The following CNOT4 variants were observed in gnomAD, a reference collection of about 807,000 sequenced individuals.
CNOT4 encodes the protein CCR4-NOT transcription complex subunit 4.
In CNOT4, 8 loss-of-function variants were observed where a neutral mutation model predicts 73.8. That is an observed-to-expected ratio of 0.11 (90% confidence interval 0.06 to 0.20). CNOT4 has a LOEUF of 0.20. CNOT4 is among the 10% of genes least tolerant of loss of function. CNOT4 has a pLI of 1.00. For synonymous variants in CNOT4, 293 were observed against 321.1 expected, an observed-to-expected ratio of 0.91 and a Z score of 0.94; for missense variants, 564 against 883.4, an observed-to-expected ratio of 0.64 and a Z score of 4.58.
Position 135,362,960 on chromosome 7 carries a change from G to GC in CNOT4, c.2066dup (p.Phe690LeufsTer59). 6.2e-7 allele frequency: 1 copy of GC among 1,613,176 alleles called. No individual in the cohort carries two copies. The highest frequency in any genetic ancestry group is 1.3e-5 in the African/African-American group (1 of 74,880). On this transcript the variant is annotated frameshift_variant, in exon 12 of 12. Coordinates refer to ENST00000541284, the MANE Select transcript of CNOT4 (RefSeq NM_001190850.2). LOFTEE classifies it high-confidence loss of function. ...TGGGGGGTCTGAAGGCTGTCTGAAA[G>GC]CCTGGGGGTGGGGAGTGGAAGCTGG...
chr7:135,363,143 A>G lies in CNOT4; in HGVS notation c.1884T>C (p.Asp628=). 6.2e-7 allele frequency: 1 copy of G among 1,613,866 alleles called. No homozygotes were observed. The highest frequency in any genetic ancestry group is 8.5e-7 in the Non-Finnish European group (1 of 1,180,020). ...SSGNSLDSLQ[D]DNPPHWLKSL... Reference sequence around the variant, plus strand: ...ATTTTAGCCAGTGTGGAGGATTGTCATCTTGAAGAGAGTCTAAACTGTTTC... The same window carrying G: ...ATTTTAGCCAGTGTGGAGGATTGTCGTCTTGAAGAGAGTCTAAACTGTTTC... Residue 628 remains aspartate (D), a synonymous_variant, in exon 12 of 12, where the codon GAT becomes GAC. Coordinates refer to ENST00000541284, the MANE Select transcript of CNOT4 (RefSeq NM_001190850.2). This position sits in a 1 kb window ranked among gnomAD's most constrained non-coding sequence, Gnocchi z 4.3.
chr7:135,439,023 G>A (rs1799320937), intron 1 of CNOT4, among the ~76,000 whole-genome samples: 2 of 152,050 alleles, frequency 1.3e-5, no homozygotes, highest in South Asian at 4.2e-4. Context: ...TATTCCTATG[G>A]TAATACTACA....
intron 10 of CNOT4, among the ~76,000 whole-genome samples, chr7:135,371,030 T>C (rs1045892004): frequency 6.6e-6 from 1 of 152,248 alleles, no homozygotes; most frequent in Non-Finnish European, 1.5e-5. Context: ...CTCTAAGATA[T>C]ATTCTACCCA....
rs1344564063 is a variant in CNOT4, at chr7:135,362,777, G to A, written c.*108C>T. 9.6e-7 allele frequency: 1 copy of A among 1,044,078 alleles called. No individual in the cohort carries two copies. Among genetic ancestry groups the A allele is most frequent in the African/African-American group, 1.6e-5 (1 of 64,158 alleles). 64.7% of individuals were successfully genotyped at this position (1,044,078 alleles called of 1,614,324 possible). ...GGAGAAAAAAAATTGATCAGGTACT[G>A]GATTCTTCAGAACATAAGAGATGAG... On this transcript the variant is annotated 3_prime_UTR_variant, in exon 12 of 12. Coordinates refer to ENST00000541284, the MANE Select transcript of CNOT4 (RefSeq NM_001190850.2).
At chr7:135,375,962 G>A (rs931498361) in intron 10 of CNOT4, among the ~76,000 whole-genome samples, 1 of 151,800 alleles carries the variant, frequency 6.6e-6, no homozygotes, top group African/African-American at 2.4e-5. Context: ...GTGTGTGTAT[G>A]TGTGTACAGG....
At chr7:135,481,737 C>A (rs1213888981) in intron 1 of CNOT4, among the ~76,000 whole-genome samples, 1 of 152,144 alleles carries the variant, frequency 6.6e-6, no homozygotes, top group Non-Finnish European at 1.5e-5. Flanking sequence ...AGTATATATA[C>A]ACAATGGATT....
intron 1 of CNOT4, among the ~76,000 whole-genome samples, chr7:135,460,318 G>T (rs180972284): frequency 5.9e-5 from 9 of 152,216 alleles, no homozygotes; most frequent in Admixed American, 5.9e-4. Flanking sequence ...CTACTTTTTG[G>T]CCTATCTCAT....
chr7:135,368,700 C>T (rs759017836), intron 10 of CNOT4, among the ~76,000 whole-genome samples: 10 of 152,198 alleles, frequency 6.6e-5, no homozygotes, highest in Non-Finnish European at 1.5e-4. Flanking sequence ...GAAAATCTCA[C>T]AACAGGTTGA....
Position 135,487,161 on chromosome 7 carries a change from A to G in CNOT4, c.-93+22728T>C, listed in dbSNP as rs79578623. ...ATGTTTTCTCAATTACAACCATTTAAAAAAAAGTTTTAGCTTGTTGGCCCA... is the reference window on the plus strand; with the variant it reads ...ATGTTTTCTCAATTACAACCATTTAGAAAAAAGTTTTAGCTTGTTGGCCCA... On this transcript the variant is annotated intron_variant, in intron 1 of 11. Coordinates refer to ENST00000541284, the MANE Select transcript of CNOT4 (RefSeq NM_001190850.2). 7.6e-3 allele frequency among the ~76,000 whole-genome samples: 1,149 copies of G among 151,940 alleles called. 24 individuals are homozygous for G. Among genetic ancestry groups the G allele is most frequent in the East Asian group, 0.055 (282 of 5,170 alleles).
intron 1 of CNOT4, among the ~76,000 whole-genome samples, chr7:135,473,782 C>A (rs1801801357): frequency 1.3e-5 from 2 of 151,964 alleles, no homozygotes; most frequent in Non-Finnish European, 2.9e-5. Context: ...TGAGAGTGCA[C>A]ATGTGACAAA....
intron 7 of CNOT4, among the ~76,000 whole-genome samples, chr7:135,402,417 A>G (rs1797049383): frequency 1.3e-5 from 2 of 152,172 alleles, no homozygotes; most frequent in Non-Finnish European, 2.9e-5. Context: ...CTGAGATTAC[A>G]TATTTCTTAG....
intron 1 of CNOT4, among the ~76,000 whole-genome samples, chr7:135,465,165 A>G (rs1801139720): frequency 6.6e-6 from 1 of 152,222 alleles, no homozygotes; most frequent in Non-Finnish European, 1.5e-5. Context: ...ATAAAAGGAC[A>G]GAGTTCACTG....
At chr7:135,406,668 T>A (rs1452254098) in intron 7 of CNOT4, among the ~76,000 whole-genome samples, 2 of 152,074 alleles carry the variant, frequency 1.3e-5, no homozygotes, top group Admixed American at 6.6e-5. Context: ...AATTTTTTTT[T>A]ATTCTGGTCC....
chr7:135,476,132 T>C (rs1216779174), intron 1 of CNOT4, among the ~76,000 whole-genome samples: 1 of 152,146 alleles, frequency 6.6e-6, no homozygotes, highest in African/African-American at 2.4e-5. Context: ...CACTACAATA[T>C]CTATGACATC....
chr7:135,508,909 A>G (rs924827300), intron 1 of CNOT4, among the ~76,000 whole-genome samples: 6 of 152,038 alleles, frequency 3.9e-5, no homozygotes, highest in Non-Finnish European at 5.9e-5. Flanking sequence ...GCTTAGTAGC[A>G]TGATAAAACC....
intron 10 of CNOT4, among the ~76,000 whole-genome samples, chr7:135,370,353 C>T (rs957830167): frequency 2.0e-5 from 3 of 152,212 alleles, no homozygotes; most frequent in Admixed American, 6.5e-5. Context: ...AATCCAGACA[C>T]GCTACATATG....
At chr7:135,429,838 C>G (rs1798710860) in intron 2 of CNOT4, among the ~76,000 whole-genome samples, 1 of 152,172 alleles carries the variant, frequency 6.6e-6, no homozygotes, top group Non-Finnish European at 1.5e-5. Context: ...ACTACCCCAG[C>G]TTTCTGCTCT....
chr7:135,415,485 G>A (rs1287989233), intron 3 of CNOT4, among the ~76,000 whole-genome samples: 1 of 152,024 alleles, frequency 6.6e-6, no homozygotes, highest in Non-Finnish European at 1.5e-5. Flanking sequence ...AATAGAAACT[G>A]AGACTCACTA....
chr7:135,443,915 G>C (rs913612881), intron 1 of CNOT4, among the ~76,000 whole-genome samples: 1 of 152,068 alleles, frequency 6.6e-6, no homozygotes, highest in Admixed American at 6.6e-5. Context: ...TTGGGAGGCT[G>C]AGGCAGGCAA....
Sources: gnomAD v4.1 joint callset for allele counts (sites outside exome capture counted in the v4.1 genomes callset) on GRCh38, gnomAD v4.1.1 for gene constraint, Gnocchi (gnomAD v3.1) non-coding constraint, MANE v1.5 for transcripts, NCBI Gene and HGNC (gene_info 2026-07-23, HGNC 2026-07-21) for gene names.